GDF5: variants seen among roughly 807,000 people sequenced by gnomAD.
The protein encoded by GDF5 is growth/differentiation factor 5.
In GDF5, 17 loss-of-function variants were observed where a neutral mutation model predicts 34.6. The observed-to-expected ratio is 0.49, with a 90% confidence interval of 0.34 to 0.74. GDF5 has a LOEUF of 0.74. Ranked by LOEUF, GDF5 falls within the 30% of genes least tolerant of loss-of-function variation. GDF5 has a pLI of 0.01. For synonymous variants in GDF5, 332 were observed against 290.7 expected (o/e 1.14, Z -1.44); for missense variants, 616 against 661.2 (o/e 0.93, Z 0.75).
chr20:35,438,055 A>G lies in GDF5; in HGVS notation c.-127T>C. ...CAGCGGCAGCAGCAGTAGCAGCAGA[A>G]GGAAAGGCTTTCTCCTCAGTCTGAG... On this transcript the variant is annotated 5_prime_UTR_variant, in exon 1 of 2. Coordinates refer to ENST00000374369, the MANE Select transcript of GDF5 (RefSeq NM_000557.5). 3 of 1,071,968 alleles carry G rather than the reference A, an allele frequency of 2.8e-6. No individual in the cohort carries two copies. The highest frequency in any genetic ancestry group is 1.4e-5 in the South Asian group (1 of 73,614). 66.4% of individuals were successfully genotyped at this position (1,071,968 alleles called of 1,614,324 possible). A position where few individuals can be genotyped will look rare whatever the true frequency, so the allele number is the denominator to read the frequency against.
intron 1 of GDF5, chr20:35,435,528 G>A (rs964986408): frequency 7.1e-6 from 1 of 141,276 alleles, no homozygotes; most frequent in Non-Finnish European, 1.5e-5. Flanking sequence ...GAATCCCAAG[G>A]TTCAGAGAAG....
At chr20:35,439,859 G>A (rs1391621171), upstream of GDF5, among the ~76,000 whole-genome samples, 3 of 148,820 alleles carry the variant, frequency 2.0e-5, no homozygotes, top group African/African-American at 5.0e-5. Flanking sequence ...CACTTTTCAC[G>A]CTGTAAGAAG....
At chr20:35,443,409 C>A (rs2146587761) in intron 1 of GDF5, among the ~76,000 whole-genome samples, 1 of 152,168 alleles carries the variant, frequency 6.6e-6, no homozygotes, top group Admixed American at 6.5e-5. Flanking sequence ...CTCTGCAGCC[C>A]CTTCTGCCAT....
At chr20:35,451,056 A>G (rs366985) in intron 1 of GDF5, among the ~76,000 whole-genome samples, 5 of 67,048 alleles carry the variant, frequency 7.5e-5, no homozygotes, top group African/African-American at 3.8e-4. Context: ...AAAAAAAAAA[A>G]AAAAAAAAAT....
intron 1 of GDF5, among the ~76,000 whole-genome samples, chr20:35,436,624 C>T (rs2062473885): frequency 6.6e-6 from 1 of 152,170 alleles, no homozygotes; most frequent in African/African-American, 2.4e-5. Context: ...GAGGCATGTT[C>T]AGGACAGCAT....
At chr20:35,440,344 TA>T (rs978556613), upstream of GDF5, among the ~76,000 whole-genome samples, 10 of 151,774 alleles carry the variant, frequency 6.6e-5, no homozygotes, top group Non-Finnish European at 2.9e-5. Flanking sequence ...ATTAATAAAA[TA>T]AAAAAATTAA....
chr20:35,452,972 G>A (rs1047647361), intron 1 of GDF5, among the ~76,000 whole-genome samples: 34 of 152,094 alleles, frequency 2.2e-4, no homozygotes, highest in African/African-American at 8.0e-4. Context: ...GAAGACGGCC[G>A]GGTGCGGTGG....
chr20:35,439,689 G>C (rs1459507692), upstream of GDF5, among the ~76,000 whole-genome samples: 2 of 152,092 alleles, frequency 1.3e-5, no homozygotes, highest in African/African-American at 4.8e-5. Context: ...AGCGGGGAAA[G>C]CTGTTCGCTT....
At chr20:35,439,908 CTT>C (rs34397706), upstream of GDF5, among the ~76,000 whole-genome samples, 4 of 71,634 alleles carry the variant, frequency 5.6e-5, no homozygotes, top group African/African-American at 2.2e-4. Context: ...AGGCTTCCTT[CTT>C]TTTTTTTTTT....
chr20:35,434,424 G>A lies in GDF5; in HGVS notation c.991C>T (p.Arg331Cys), dbSNP rs750345162. Residue 331 changes from arginine to cysteine, a missense_variant, in exon 2 of 2, where the codon CGC (arginine) becomes TGC (cysteine). By Grantham distance (180) the Arg-to-Cys change is radical (BLOSUM62 -3). Transcript: ENST00000374369. ...AVDLRGLGFD[R>C]AARQVHEKAL... ...TTCTCGTGGACCTGCCGGGCGGCGC[G>A]GTCGAAGCCCAGGCCACGGAGGTCC... The A allele has an allele frequency of 2.5e-6, 4 of 1,613,514 alleles. No individual in the cohort carries two copies. Among genetic ancestry groups the A allele is most frequent in the South Asian group, 2.2e-5 (2 of 91,080 alleles).
chr20:35,439,682 G>A (rs192158850), upstream of GDF5, among the ~76,000 whole-genome samples: 227 of 152,136 alleles, frequency 1.5e-3, no homozygotes, highest in African/African-American at 4.7e-3. Context: ...CAGGGTCAGC[G>A]GGGAAAGCTG....
chr20:35,442,533 C>T (rs1020061072), upstream of GDF5, among the ~76,000 whole-genome samples: 7 of 135,118 alleles, frequency 5.2e-5, no homozygotes, highest in African/African-American at 1.9e-4. Context: ...CTCTTGATAC[C>T]CGTCTTTTTT....
At position 35,434,183 on chromosome 20, in the gene GDF5, T is replaced by G. The variant is rs1434371813; in HGVS notation, c.1232A>C (p.Asp411Ala). 12 of 1,614,088 alleles carry G rather than the reference T, an allele frequency of 7.4e-6. No individual in the cohort carries two copies. The highest frequency in any genetic ancestry group is 1.0e-5 in the Non-Finnish European group (12 of 1,180,036). Residue 411 changes from aspartate (D) to alanine (A), a missense_variant, in exon 2 of 2, where the codon GAC becomes GCC. Asp to Ala is a moderately radical substitution (Grantham distance 126, BLOSUM62 -2). Coordinates refer to ENST00000374369, the MANE Select transcript of GDF5 (RefSeq NM_000557.5). ...GATGATCCAGTCGTCCCAGCCCATG[T>G]CCTTGAAGTTGACATGCAGTGCCTT... The part of the protein sequence containing the change: ...SRKALHVNFK[D>A]MGWDDWIIAP...
upstream of GDF5, among the ~76,000 whole-genome samples, chr20:35,442,293 T>G (rs2062500392): frequency 6.6e-6 from 1 of 151,654 alleles, no homozygotes; most frequent in Non-Finnish European, 1.5e-5. Flanking sequence ...ATTACAGATG[T>G]GTACCACCAC....
rs1389486443 is a variant in GDF5 at position 35,433,838 on chromosome 20, C to A, written c.*71G>T. ...TGCTCCTGCCACAGCTTCCTGACCC[C>A]TCTGTGATTCCAGGAGTGCAGGAAG... On this transcript the variant is annotated 3_prime_UTR_variant, in exon 2 of 2. Transcript: ENST00000374369. 1.5e-6 allele frequency: 2 copies of A among 1,296,872 alleles called. No individual in the cohort carries two copies. Among genetic ancestry groups the A allele is most frequent in the African/African-American group, 2.9e-5 (2 of 68,430 alleles). The allele number at this position is 1,296,872 out of a possible 1,614,324, so 80.3% of individuals were successfully genotyped here.
chr20:35,437,288 G>A lies in GDF5; in HGVS notation c.631+10C>T, dbSNP rs202206768. 9.3e-5 allele frequency: 139 copies of A among 1,497,072 alleles called. No individual in the cohort carries two copies. Among genetic ancestry groups the A allele is most frequent in the Admixed American group, 2.7e-4 (16 of 59,618 alleles). The allele number at this position is 1,497,072 out of a possible 1,614,324, so 92.7% of individuals were successfully genotyped here. ...CTCTGAGCCGTGCCCCTGCCACCCCGCCCCCTCACCTTGCCCTTTGTCAAT... is the reference window on the plus strand; with the variant it reads ...CTCTGAGCCGTGCCCCTGCCACCCCACCCCCTCACCTTGCCCTTTGTCAAT... On this transcript the variant is annotated intron_variant, in intron 1 of 1. Coordinates refer to ENST00000374369, the MANE Select transcript of GDF5 (RefSeq NM_000557.5).
intron 1 of GDF5, 191 bp from the exon 2 acceptor site, chr20:35,434,974 G>C (rs6060417): frequency 1.4e-6 from 1 of 701,722 alleles, no homozygotes; most frequent in African/African-American, 1.8e-5. Context: ...CTACATAGCC[G>C]ACCAAGTAGG....
At chr20:35,445,126 A>G (rs2062509621) in intron 1 of GDF5, among the ~76,000 whole-genome samples, 1 of 152,218 alleles carries the variant, frequency 6.6e-6, no homozygotes, top group South Asian at 2.1e-4. Context: ...ACTCACCTTC[A>G]AATCCTGGTT....
upstream of GDF5, among the ~76,000 whole-genome samples, chr20:35,440,388 C>T (rs78373311): frequency 2.8e-4 from 42 of 152,146 alleles, no homozygotes; most frequent in East Asian, 7.9e-3. Context: ...CCAGTCCTCT[C>T]TGGCATCCCT....
Sources: allele counts gnomAD v4.1 joint callset (sites outside exome capture counted in the v4.1 genomes callset), GRCh38; gene constraint gnomAD v4.1.1; transcripts MANE v1.5; gene names NCBI Gene and HGNC (gene_info 2026-07-23, HGNC 2026-07-21).